Variants in CCDC7 observed in about 807,000 individuals in gnomAD.
CCDC7 encodes coiled-coil domain-containing protein 7.
Under a neutral mutation model 196.9 loss-of-function variants are expected in CCDC7, and 183 were observed. That is an observed-to-expected ratio of 0.93 (90% CI 0.82 to 1.05). The LOEUF (loss-of-function observed/expected upper bound fraction) is 1.05, where lower values mean the gene tolerates loss of function less well. Ranked by LOEUF, CCDC7 falls within the 50% of genes least tolerant of loss-of-function variation. The pLI is 0.00. For missense variants in CCDC7, 1,540 were observed against 1,482.2 expected, an observed-to-expected ratio of 1.04 and a Z score of -0.64; for synonymous variants, 525 against 484.6, an observed-to-expected ratio of 1.08 and a Z score of -1.10.
At chr10:32,488,377 G>T (rs146630407) in intron 8 of CCDC7, among the ~76,000 whole-genome samples, 1 of 152,150 alleles carries the variant, frequency 6.6e-6, no homozygotes. Flanking sequence ...TCCAGGTGCC[G>T]TCTGTCACCC....
At chr10:32,681,561 G>T (rs781751832) in intron 21 of CCDC7, among the ~76,000 whole-genome samples, 4 of 152,074 alleles carry the variant, frequency 2.6e-5, no homozygotes, top group Non-Finnish European at 5.9e-5. Flanking sequence ...GTTGATTCAA[G>T]ACTGCGACTA....
intron 9 of CCDC7, chr10:32,514,152 T>C (rs990469624): frequency 6.6e-6 from 1 of 152,226 alleles, no homozygotes; most frequent in African/African-American, 2.4e-5. Context: ...ACATGATCAA[T>C]AAACAAAAAC....
In CCDC7 at chr10:32,730,193, A is replaced by G. The variant is rs529684587; in HGVS notation, c.2905+736A>G. Among the ~76,000 whole-genome samples the G allele has an allele frequency of 2.2e-4, 34 of 152,108 alleles. 1 individual carries two copies. The South Asian group carries it at 5.8e-3, about 26-fold the overall frequency. ...CAGGCCACTGTGTAGGTTGTCCCCCACATGTCCATATGTTCTCATTGTTCA... is the reference window on the plus strand; with the variant it reads ...CAGGCCACTGTGTAGGTTGTCCCCCGCATGTCCATATGTTCTCATTGTTCA... On this transcript the variant is annotated intron_variant, in intron 28 of 41. Coordinates refer to ENST00000639629, the Ensembl canonical transcript of CCDC7.
chr10:32,545,291 G>T (rs951082685), intron 13 of CCDC7, among the ~76,000 whole-genome samples: 22 of 152,160 alleles, frequency 1.4e-4, no homozygotes, highest in African/African-American at 4.3e-4. Context: ...TAGTGATACT[G>T]ATAATATCTA....
intron 11 of CCDC7, among the ~76,000 whole-genome samples, chr10:32,538,971 T>G (rs951366485): frequency 1.3e-5 from 2 of 152,126 alleles, no homozygotes; most frequent in African/African-American, 4.8e-5. Flanking sequence ...TCTGCCAAGT[T>G]TTGGTATCAG....
intron 8 of CCDC7, among the ~76,000 whole-genome samples, chr10:32,482,951 A>G (rs575112902): frequency 6.6e-6 from 1 of 152,322 alleles, no homozygotes; most frequent in Admixed American, 6.5e-5. Context: ...TAGTGCCGCA[A>G]TAAACATACG....
exon 3 of CCDC7, chr10:32,456,303 A>T (rs1429575018): frequency 1.3e-6 from 2 of 1,573,078 alleles, no homozygotes; most frequent in Non-Finnish European, 8.7e-7. Flanking sequence ...TTTGCAGCTC[A>T]GCTAGAAGAA....
downstream of CCDC7, chr10:32,876,604 C>T (rs144903140): frequency 2.6e-6 from 1 of 382,444 alleles, no homozygotes; most frequent in East Asian, 4.1e-5. Flanking sequence ...TTTCAAATTA[C>T]TTTATTACTT....
intron 8 of CCDC7, 139 bp downstream of exon 9, chr10:32,474,162 C>A: frequency 9.2e-6 from 5 of 542,136 alleles, no homozygotes; most frequent in Admixed American, 5.1e-5. Flanking sequence ...GGTTGTCAAG[C>A]AAGTATTGAA....
At chr10:32,686,313 C>A (rs889906765) in intron 22 of CCDC7, among the ~76,000 whole-genome samples, 1 of 152,182 alleles carries the variant, frequency 6.6e-6, no homozygotes, top group African/African-American at 2.4e-5. Flanking sequence ...TCACCAAGGA[C>A]AATAGCAGGC....
chr10:32,757,400 G>A lies in CCDC7; in HGVS notation c.2906-21577G>A, dbSNP rs1293424564. On this transcript the variant is annotated intron_variant, in intron 28 of 41. Transcript: ENST00000639629. Reference sequence around the variant, plus strand: ...AAAAAAACAGAAATTATAACAAACTGTCTCTCAGACCACAGTGCAATCAAA... The same window carrying A: ...AAAAAAACAGAAATTATAACAAACTATCTCTCAGACCACAGTGCAATCAAA... Among the ~76,000 whole-genome samples the A allele has an allele frequency of 2.6e-5, 4 of 152,140 alleles. No homozygotes were observed. In the East Asian group the frequency reaches 7.7e-4, roughly 29 times the overall value.
At chr10:32,834,251 A>G (rs963084742) in intron 32 of CCDC7, among the ~76,000 whole-genome samples, 3 of 152,098 alleles carry the variant, frequency 2.0e-5, no homozygotes, top group Admixed American at 6.6e-5. Flanking sequence ...TTGTAGTTAC[A>G]TAACATAAAA....
chr10:32,444,850 G>T (rs918569031), upstream of CCDC7, among the ~76,000 whole-genome samples: 15 of 140,312 alleles, frequency 1.1e-4, 1 homozygote, highest in Non-Finnish European at 2.2e-4. Flanking sequence ...ATGCCTTCAT[G>T]TTTTTTTTTT....
At chr10:32,721,953 G>T (rs1311874796) in intron 25 of CCDC7, among the ~76,000 whole-genome samples, 3 of 152,138 alleles carry the variant, frequency 2.0e-5, no homozygotes, top group African/African-American at 4.8e-5. Context: ...TACTGCCAGT[G>T]CTTAGGGCTA....
At chr10:32,661,893 A>T (rs983922992) in intron 20 of CCDC7, among the ~76,000 whole-genome samples, 4 of 152,188 alleles carry the variant, frequency 2.6e-5, no homozygotes, top group South Asian at 4.1e-4. Flanking sequence ...GTCTCAGTAG[A>T]TGCCCCCTAA....
intron 8 of CCDC7, among the ~76,000 whole-genome samples, chr10:32,483,114 A>G (rs200117068): frequency 0.086 from 13,024 of 152,238 alleles, 876 homozygotes; most frequent in South Asian, 0.25. Context: ...CAGTCCCACC[A>G]ACAGTGTAAA....
chr10:32,488,507 G>A (rs1199321110), intron 8 of CCDC7, among the ~76,000 whole-genome samples: 1 of 152,080 alleles, frequency 6.6e-6, no homozygotes, highest in Non-Finnish European at 1.5e-5. Context: ...CCCACTTTCC[G>A]ACACTCCCCA....
Position 32,831,461 on chromosome 10 carries a change from T to C in CCDC7, c.3269-3354T>C, listed in dbSNP as rs147508267. Among the ~76,000 whole-genome samples the C allele has an allele frequency of 1.9e-3, 295 of 152,342 alleles. 3 individuals carry two copies. Among genetic ancestry groups the C allele is most frequent in the African/African-American group, 6.8e-3 (282 of 41,582 alleles). ...ATAACCTTAGCTTACTGTAACTTTT[T>C]AACTATAAACTTTTATTTTTTTAAT... On this transcript the variant is annotated intron_variant, in intron 32 of 41. Transcript: ENST00000639629.
At chr10:32,713,754 A>G (rs1027224521) in intron 25 of CCDC7, among the ~76,000 whole-genome samples, 1 of 152,220 alleles carries the variant, frequency 6.6e-6, no homozygotes, top group African/African-American at 2.4e-5. Context: ...CATTGCCTGG[A>G]TTGAGCAGCA....
Sources: allele counts gnomAD v4.1 joint callset (sites outside exome capture counted in the v4.1 genomes callset), GRCh38; gene constraint gnomAD v4.1.1; transcripts MANE v1.5; gene names NCBI Gene and HGNC (gene_info 2026-07-23, HGNC 2026-07-21).